Variants in ADARB2 observed in about 807,000 individuals in gnomAD.
ADARB2 encodes inactive double-stranded RNA-specific editase B2.
Under a neutral mutation model 62.2 loss-of-function variants are expected in ADARB2, and 25 were observed. That is an observed-to-expected ratio of 0.40 (90% CI 0.29 to 0.56). The LOEUF is 0.56. Among genes scored for constraint, ADARB2 ranks in the 20% least tolerant of loss-of-function variants. ADARB2 has a pLI of 0.43. For missense variants in ADARB2, 1,071 were observed against 1,077.4 expected, an observed-to-expected ratio of 0.99 and a Z score of 0.08; for synonymous variants, 572 against 500.8, an observed-to-expected ratio of 1.14 and a Z score of -1.90.
chr10:1,309,611 A>G (rs1298086978), intron 3 of ADARB2, among the ~76,000 whole-genome samples: 4 of 152,272 alleles, frequency 2.6e-5, no homozygotes, highest in East Asian at 1.9e-4. Context: ...AAATTTCAGC[A>G]TAATTACATG....
intron 1 of ADARB2, among the ~76,000 whole-genome samples, chr10:1,509,201 G>T (rs1831891595): frequency 6.6e-6 from 1 of 152,174 alleles, no homozygotes; most frequent in African/African-American, 2.4e-5. Flanking sequence ...TGGGTAAAAT[G>T]ATCAATCTCT....
chr10:1,576,043 GGGGTCAGGGTCACAGGAGGGGGC>G, intron 1 of ADARB2, among the ~76,000 whole-genome samples: 1 of 29,512 alleles, frequency 3.4e-5, no homozygotes, highest in Middle Eastern at 0.019. Flanking sequence ...ACTCGGCGGG[GGGGTCAGGGTCACAGGAGGGGGC>G]CCAGGGTCAC....
chr10:1,412,781 G>A (rs555149036), intron 1 of ADARB2, among the ~76,000 whole-genome samples: 183 of 152,320 alleles, frequency 1.2e-3, no homozygotes, highest in African/African-American at 3.9e-3. Flanking sequence ...CCTGTGGGAA[G>A]CTACGTTGCT....
intron 1 of ADARB2, among the ~76,000 whole-genome samples, chr10:1,455,433 T>C (rs1315839157): frequency 6.6e-6 from 1 of 152,154 alleles, no homozygotes; most frequent in African/African-American, 2.4e-5. Context: ...GTATCATGGA[T>C]GAAGCAGCTA....
chr10:1,687,584 T>C (rs950038063), intron 1 of ADARB2, among the ~76,000 whole-genome samples: 1 of 152,038 alleles, frequency 6.6e-6, no homozygotes, highest in Non-Finnish European at 1.5e-5. Context: ...ATTAAAGTTA[T>C]GCATTAGATT....
At chr10:1,539,313 T>C (rs775845038) in intron 1 of ADARB2, among the ~76,000 whole-genome samples, 1 of 152,214 alleles carries the variant, frequency 6.6e-6, no homozygotes, top group Non-Finnish European at 1.5e-5. Flanking sequence ...CTGGAGTCCT[T>C]CTCTGCCTAA....
chr10:1,611,220 G>A (rs1207006449), intron 1 of ADARB2, among the ~76,000 whole-genome samples: 5 of 152,126 alleles, frequency 3.3e-5, no homozygotes, highest in East Asian at 1.9e-4. Flanking sequence ...TTGGAGGCGC[G>A]GAGTGAATGC....
chr10:1,284,725 A>G (rs1160746934), intron 3 of ADARB2, among the ~76,000 whole-genome samples: 1 of 152,184 alleles, frequency 6.6e-6, no homozygotes, highest in African/African-American at 2.4e-5. Flanking sequence ...CTTCATGGAC[A>G]CTACCTGATG....
intron 1 of ADARB2, among the ~76,000 whole-genome samples, chr10:1,490,135 A>G (rs1051666896): frequency 6.6e-6 from 1 of 152,130 alleles, no homozygotes; most frequent in Non-Finnish European, 1.5e-5. Context: ...CAACACTAAC[A>G]ACGGCCTAGG....
At chr10:1,264,840 C>A (rs11250370) in intron 4 of ADARB2, among the ~76,000 whole-genome samples, 124,972 of 152,190 alleles carry the variant, frequency 0.82, 51,471 homozygotes, top group Middle Eastern at 0.91. Flanking sequence ...AGTTGTAAGT[C>A]AGTCCAAGAA....
At chr10:1,695,691 TG>T (rs1242827123) in intron 1 of ADARB2, among the ~76,000 whole-genome samples, 1 of 152,100 alleles carries the variant, frequency 6.6e-6, no homozygotes, top group Non-Finnish European at 1.5e-5. Context: ...GAAACATGAA[TG>T]TGTGTGCATG....
chr10:1,510,168 C>CTTTCTTTCT (rs1564312666), intron 1 of ADARB2, among the ~76,000 whole-genome samples: 2 of 45,934 alleles, frequency 4.4e-5, no homozygotes, highest in African/African-American at 1.6e-4. Flanking sequence ...TTCTTTCTTT[C>CTTTCTTTCT]TTTTTCTTTC....
At chr10:1,702,620 A>C (rs1014637117) in intron 1 of ADARB2, among the ~76,000 whole-genome samples, 3 of 152,158 alleles carry the variant, frequency 2.0e-5, no homozygotes, top group Non-Finnish European at 4.4e-5. Context: ...TCTCAGACTC[A>C]CTGAACTCCA....
intron 4 of ADARB2, among the ~76,000 whole-genome samples, chr10:1,251,780 C>A (rs955232492): frequency 1.3e-5 from 2 of 152,050 alleles, no homozygotes; most frequent in Non-Finnish European, 2.9e-5. Context: ...TGGATTAATA[C>A]CCCTATAAAA....
intron 4 of ADARB2, among the ~76,000 whole-genome samples, chr10:1,265,745 GA>G (rs1831191247): frequency 1.4e-5 from 2 of 143,456 alleles, no homozygotes; most frequent in African/African-American, 5.2e-5. Context: ...GACGGCCTGA[GA>G]GGGGGGCCCA....
At chr10:1,631,284 G>T (rs1450437130) in intron 1 of ADARB2, among the ~76,000 whole-genome samples, 3 of 151,976 alleles carry the variant, frequency 2.0e-5, no homozygotes, top group Non-Finnish European at 4.4e-5. Context: ...GGCCTGTAGA[G>T]CACCCACCAC....
intron 1 of ADARB2, among the ~76,000 whole-genome samples, chr10:1,391,458 T>C (rs1832570104): frequency 6.6e-6 from 1 of 152,122 alleles, no homozygotes; most frequent in African/African-American, 2.4e-5. Context: ...GACAAGTGAG[T>C]TTGTTTCTCA....
intron 7 of ADARB2, among the ~76,000 whole-genome samples, chr10:1,210,661 T>G (rs1424677910): frequency 6.6e-6 from 1 of 152,230 alleles, no homozygotes; most frequent in Non-Finnish European, 1.5e-5. Context: ...TTTCACGTCA[T>G]GGCCATTCTG....
intron 3 of ADARB2, among the ~76,000 whole-genome samples, chr10:1,296,534 A>G (rs1170272645): frequency 3.3e-5 from 5 of 152,268 alleles, no homozygotes; most frequent in East Asian, 1.9e-4. Flanking sequence ...GGCCTGGTGC[A>G]TGGGAGTCTT....
Sources: allele counts gnomAD v4.1 joint callset (sites outside exome capture counted in the v4.1 genomes callset), GRCh38; gene constraint gnomAD v4.1.1; transcripts MANE v1.5; gene names NCBI Gene and HGNC (gene_info 2026-07-23, HGNC 2026-07-21).